The following ZNF423 variants were observed in gnomAD, a reference collection of about 807,000 sequenced individuals.
ZNF423 encodes Ebf-associated zinc finger protein.
ZNF423 carries 12 observed loss-of-function variants against 95.8 expected under a neutral mutation model. The ratio of observed to expected loss-of-function variants is 0.13; its 90% confidence interval spans 0.08 to 0.20. The LOEUF (loss-of-function observed/expected upper bound fraction) is 0.20, where lower values mean the gene tolerates loss of function less well. Ranked by LOEUF, ZNF423 falls within the 10% of genes least tolerant of loss-of-function variation. The probability of loss-of-function intolerance (pLI) is 1.00; values close to 1 mark genes in which losing one functional copy is unlikely to be tolerated. For synonymous variants in ZNF423, 749 were observed against 711.9 expected, an observed-to-expected ratio of 1.05 and a Z score of -0.83; for missense variants, 1,316 against 1,737.1, an observed-to-expected ratio of 0.76 and a Z score of 4.31.
intron 4 of ZNF423, among the ~76,000 whole-genome samples, chr16:49,628,504 T>C (rs1294602021): frequency 6.6e-6 from 1 of 151,438 alleles, no homozygotes; most frequent in African/African-American, 2.4e-5. Flanking sequence ...TACCCATTCG[T>C]CCATCTACAC....
In ZNF423 at chr16:49,788,361, T is replaced by C. The variant is rs150946189; in HGVS notation, c.100+1126A>G. ...AACCATCTTCAAGCTTCCCGCTGAG[T>C]CTCCGTATTCTGTACTATTAACACT... On this transcript the variant is annotated intron_variant, in intron 2 of 7. Coordinates refer to ENST00000563137, the MANE Select transcript of ZNF423 (RefSeq NM_001379286.1). Among the ~76,000 whole-genome samples, 602 of 152,320 alleles carry C rather than the reference T, an allele frequency of 4.0e-3. 7 individuals are homozygous for C. Among genetic ancestry groups the C allele is most frequent in the African/African-American group, 0.014 (581 of 41,570 alleles).
intron 3 of ZNF423, among the ~76,000 whole-genome samples, chr16:49,694,450 C>T (rs563345436): frequency 1.3e-5 from 2 of 152,356 alleles, no homozygotes; most frequent in South Asian, 4.1e-4. Flanking sequence ...AAGCTACACA[C>T]ATGATTTTGT....
chr16:49,812,731 C>A lies in ZNF423; in HGVS notation c.41-23185G>T, dbSNP rs189280971. On this transcript the variant is annotated intron_variant, in intron 1 of 7. Coordinates refer to ENST00000563137, the MANE Select transcript of ZNF423 (RefSeq NM_001379286.1). ...AAGTCCTGAAGCAGTACTGAAGTAG[C>A]TGATTTGGAATCATTTCTCACAGTC... is the stretch of plus-strand genomic sequence containing the variant. Among the ~76,000 whole-genome samples, 55 of 152,236 alleles carry A rather than the reference C, an allele frequency of 3.6e-4. No homozygotes were observed. The East Asian group carries it at 8.3e-3, about 23-fold the overall frequency.
intron 5 of ZNF423, among the ~76,000 whole-genome samples, chr16:49,568,242 TCATGGAACAC>T (rs1567473249): frequency 6.6e-6 from 1 of 152,168 alleles, no homozygotes; most frequent in Admixed American, 6.5e-5. Flanking sequence ...GACTCTCCTG[TCATGGAACAC>T]CATGGAACTG....
chr16:49,714,671 G>A (rs2032650942), intron 3 of ZNF423, among the ~76,000 whole-genome samples: 1 of 151,194 alleles, frequency 6.6e-6, no homozygotes, highest in Non-Finnish European at 1.5e-5. Context: ...GCTCACACCT[G>A]TAATCCCAAC....
intron 3 of ZNF423, among the ~76,000 whole-genome samples, chr16:49,725,218 AC>A (rs1299553096): frequency 6.6e-6 from 1 of 152,112 alleles, no homozygotes; most frequent in Non-Finnish European, 1.5e-5. Context: ...CCTCATCCAT[AC>A]AAGAAAAAAT....
intron 1 of ZNF423, among the ~76,000 whole-genome samples, chr16:49,828,771 A>G (rs2035032334): frequency 6.6e-6 from 1 of 152,224 alleles, no homozygotes; most frequent in Non-Finnish European, 1.5e-5. Context: ...GCACACGCAG[A>G]AAGGCCATCA....
At chr16:49,786,766 A>C (rs1213278592) in intron 2 of ZNF423, among the ~76,000 whole-genome samples, 9 of 152,118 alleles carry the variant, frequency 5.9e-5, no homozygotes, top group African/African-American at 2.2e-4. Context: ...TACAGCTCCA[A>C]GCTCTTTCCC....
At chr16:49,578,807 T>A (rs1195880431) in intron 5 of ZNF423, among the ~76,000 whole-genome samples, 3 of 152,234 alleles carry the variant, frequency 2.0e-5, no homozygotes, top group African/African-American at 2.4e-5. Context: ...CCCAAGGACC[T>A]TTTGTTCCCT....
chr16:49,844,421 A>G (rs974147784), intron 1 of ZNF423, among the ~76,000 whole-genome samples: 16 of 152,180 alleles, frequency 1.1e-4, no homozygotes, highest in Non-Finnish European at 1.9e-4. Flanking sequence ...TCACAGCACA[A>G]TGTACCCTGA....
At chr16:49,700,923 A>C (rs2032158880) in intron 3 of ZNF423, among the ~76,000 whole-genome samples, 1 of 151,840 alleles carries the variant, frequency 6.6e-6, no homozygotes, top group Non-Finnish European at 1.5e-5. Flanking sequence ...GGGAGGAGGG[A>C]AGAGGGAGGA....
At chr16:49,626,756 CACCAATAG>C (rs1972290097) in intron 4 of ZNF423, among the ~76,000 whole-genome samples, 1 of 151,496 alleles carries the variant, frequency 6.6e-6, no homozygotes, top group Non-Finnish European at 1.5e-5. Context: ...CATACACACC[CACCAATAG>C]ACCCATCCAT....
intron 3 of ZNF423, among the ~76,000 whole-genome samples, chr16:49,680,641 G>A (rs1161173180): frequency 6.6e-6 from 1 of 152,150 alleles, no homozygotes; most frequent in African/African-American, 2.4e-5. Flanking sequence ...AGTACACCTG[G>A]TCCAGCCACA....
intron 5 of ZNF423, among the ~76,000 whole-genome samples, chr16:49,528,683 C>T (rs1968716058): frequency 3.9e-5 from 6 of 152,212 alleles, no homozygotes; most frequent in Admixed American, 3.9e-4. Flanking sequence ...ACGAGGCCTT[C>T]TCCCCACTGG....
At position 49,809,643 on chromosome 16, in the gene ZNF423, C is replaced by T. The variant is rs1050847018; in HGVS notation, c.41-20097G>A. Among the ~76,000 whole-genome samples the T allele has an allele frequency of 1.1e-4, 17 of 152,322 alleles. No individual in the cohort carries two copies. In the East Asian group the frequency reaches 3.1e-3, roughly 28 times the overall value. ...CGAGAACAGATGTGGCTGCCTCATC[C>T]TCCCATAGCAGACCACATGCTGGCT... On this transcript the variant is annotated intron_variant, in intron 1 of 7. Transcript: ENST00000563137.
chr16:49,750,664 T>C (rs1401120926), intron 2 of ZNF423, among the ~76,000 whole-genome samples: 1 of 152,114 alleles, frequency 6.6e-6, no homozygotes, highest in Admixed American at 6.5e-5. Flanking sequence ...GGTGGACAGA[T>C]CCTCTCAGGG....
chr16:49,745,102 A>T (rs555687339), intron 2 of ZNF423, among the ~76,000 whole-genome samples: 95 of 152,146 alleles, frequency 6.2e-4, no homozygotes, highest in African/African-American at 2.3e-3. Flanking sequence ...TCTTTGTATC[A>T]TTATTGCTTT....
chr16:49,597,454 G>A (rs1247436163), intron 5 of ZNF423, among the ~76,000 whole-genome samples: 1 of 152,098 alleles, frequency 6.6e-6, no homozygotes, highest in Non-Finnish European at 1.5e-5. Context: ...TTGATTATAT[G>A]GTACCATCAT....
chr16:49,594,820 C>T (rs977378409), intron 5 of ZNF423, among the ~76,000 whole-genome samples: 11 of 152,182 alleles, frequency 7.2e-5, no homozygotes, highest in Admixed American at 3.9e-4. Flanking sequence ...TACACAGAGG[C>T]CACCACTCAG....
Sources: allele counts gnomAD v4.1 joint callset (sites outside exome capture counted in the v4.1 genomes callset), GRCh38; gene constraint gnomAD v4.1.1; transcripts MANE v1.5; gene names NCBI Gene and HGNC (gene_info 2026-07-23, HGNC 2026-07-21).